The following SLC34A3 variants were observed in gnomAD, a reference collection of about 807,000 sequenced individuals.
SLC34A3 encodes sodium-dependent phosphate transport protein 2C.
SLC34A3 carries 60 observed loss-of-function variants against 43.9 expected under a neutral mutation model. The observed-to-expected ratio is 1.37, with a 90% CI of 1.11 to 1.70. The LOEUF (loss-of-function observed/expected upper bound fraction) is 1.70. Among genes scored for constraint, SLC34A3 ranks in the 40% most tolerant of loss-of-function variants. The probability of loss-of-function intolerance (pLI) is 0.00; values close to 1 mark genes in which losing one functional copy is unlikely to be tolerated. For missense variants in SLC34A3, 969 were observed against 823.8 expected, an observed-to-expected ratio of 1.18 and a Z score of -2.16; for synonymous variants, 451 against 386.2, an observed-to-expected ratio of 1.17 and a Z score of -1.97.
chr9:137,233,670 A>T lies in SLC34A3; in HGVS notation c.794A>T (p.Asn265Ile). The T allele has an allele frequency of 6.2e-7, 1 of 1,612,720 alleles. No homozygotes were observed. The change falls in exon 8 of 13, where the codon AAC becomes ATC. Residue 265 changes from asparagine to isoleucine, a missense_variant. Coordinates refer to ENST00000673835, the MANE Select transcript of SLC34A3 (RefSeq NM_001177316.2). Reference protein sequence around the residue: ...SDMIMSSATGNATNSSLIKHW... With the variant: ...SDMIMSSATGIATNSSLIKHW... ...ATGATCATGAGCAGTGCCACAGGCA[A>T]CGCCACTAACAGCAGTCTCATTAAG...
chr9:137,232,444 T>C, intron 3 of SLC34A3, 131 bp from the exon 4 acceptor site: 1 of 1,331,636 alleles, frequency 7.5e-7, no homozygotes, highest in Middle Eastern at 2.5e-4. Context: ...CCCTGGGGGT[T>C]ACGGAAGAGG....
rs1460453406 is a variant in SLC34A3, at chr9:137,233,536, C to A, written c.757-97C>A. 9 of 1,540,766 alleles carry A rather than the reference C, an allele frequency of 5.8e-6. No homozygotes were observed. The East Asian group carries it at 1.8e-4, about 31-fold the overall frequency. ...CCTGGGACAGGGGAGGAGAGGGCAG[C>A]AGTGGGCAGGGCTGGGCTGGACCCC... On this transcript the variant is annotated intron_variant, in intron 7 of 12. Coordinates refer to ENST00000673835, the MANE Select transcript of SLC34A3 (RefSeq NM_001177316.2).
At chr9:137,232,248 A>G in intron 3 of SLC34A3, 87 bp downstream of exon 3, 2 of 1,307,084 alleles carry the variant, frequency 1.5e-6, no homozygotes, top group Non-Finnish European at 2.2e-6. Flanking sequence ...GGGCCTGCCC[A>G]AACAGGCTGT....
At chr9:137,235,930 C>T in intron 12 of SLC34A3, 22 bp from the exon 13 acceptor site, 1 of 1,609,598 alleles carries the variant, frequency 6.2e-7, no homozygotes, top group South Asian at 1.1e-5. Flanking sequence ...GCCCAGGCCC[C>T]TGACAGCCCC....
chr9:137,233,604 C>G lies in SLC34A3; in HGVS notation c.757-29C>G, dbSNP rs373413514. Reference sequence around the variant, plus strand: ...GGGTGAGTCCTGAGAGAGGGTGCAGCACACCGTCACGACCCCTCTGGCCCC... The same window carrying G: ...GGGTGAGTCCTGAGAGAGGGTGCAGGACACCGTCACGACCCCTCTGGCCCC... On this transcript the variant is annotated intron_variant, in intron 7 of 12. Coordinates refer to ENST00000673835, the MANE Select transcript of SLC34A3 (RefSeq NM_001177316.2). The G allele has an allele frequency of 2.1e-4, 332 of 1,603,250 alleles. 1 individual carries two copies. The highest frequency in any genetic ancestry group is 1.6e-4 in the Non-Finnish European group (186 of 1,171,514).
intron 12 of SLC34A3, among the ~76,000 whole-genome samples, chr9:137,235,600 T>C (rs1265714522): frequency 3.9e-5 from 6 of 152,150 alleles, no homozygotes; most frequent in Non-Finnish European, 8.8e-5. Context: ...GCCTGGACTG[T>C]GCAGGCTCAG....
intron 8 of SLC34A3, 57 bp downstream of exon 8, chr9:137,233,779 T>TTGGGGCCCCCCCCCCCCCCCCCC: frequency 1.4e-6 from 2 of 1,445,732 alleles, no homozygotes; most frequent in Non-Finnish European, 9.6e-7. Context: ...TGCTGAGTCA[T>TTGGGGCCCCCCCCCCCCCCCCCC]CCCGCCCCAC....
intron 12 of SLC34A3, among the ~76,000 whole-genome samples, chr9:137,235,251 CCA>C (rs1387529138): frequency 6.6e-6 from 1 of 152,166 alleles, no homozygotes; most frequent in African/African-American, 2.4e-5. Flanking sequence ...TGCCCCAACC[CCA>C]GTCTCATTTA....
In SLC34A3 at chr9:137,234,378, G is replaced by C; in HGVS notation, c.1094-38G>C. The C allele has an allele frequency of 2.5e-6, 4 of 1,594,738 alleles. No homozygotes were observed. The highest frequency in any genetic ancestry group is 2.5e-6 in the Non-Finnish European group (3 of 1,176,860). ...ACTCGGGGGCTACCTGGCCCTCCTT[G>C]TGGGCGCTGGCCAGGGCTGACCCGG... On this transcript the variant is annotated intron_variant, in intron 10 of 12. Coordinates refer to ENST00000673835, the MANE Select transcript of SLC34A3 (RefSeq NM_001177316.2). The surrounding 1 kb of genome is among the most constrained non-coding windows in gnomAD (Gnocchi z 6.9).
At chr9:137,233,779 T>TTGGGGCCCCCCCCCCCCCCCCCCCCCCCC in intron 8 of SLC34A3, 57 bp downstream of exon 8, 4 of 1,445,754 alleles carry the variant, frequency 2.8e-6, no homozygotes, top group East Asian at 2.3e-5. Context: ...TGCTGAGTCA[T>TTGGGGCCCCCCCCCCCCCCCCCCCCCCCC]CCCGCCCCAC....
intron 2 of SLC34A3, 32 bp from the exon 3 acceptor site, chr9:137,232,040 G>A: frequency 1.9e-6 from 3 of 1,604,466 alleles, no homozygotes; most frequent in East Asian, 2.2e-5. Context: ...AGGTGGTCCT[G>A]GAAACAGCCG....
chr9:137,233,047 C>T lies in SLC34A3; in HGVS notation c.492C>T (p.Asn164=), dbSNP rs200271988. Residue 164 remains asparagine, a synonymous_variant, in exon 6 of 13, where the codon AAC becomes AAT. Transcript: ENST00000673835. ...CTGTGCCCATCATCATGGGTGTCAA[C>T]GTAGGCACATCCATCACCAGCACCC... is the stretch of plus-strand genomic sequence containing the variant. The part of the protein sequence containing the change: ...RVSVPIIMGV[N]VGTSITSTLV... The T allele has an allele frequency of 2.9e-5, 47 of 1,611,988 alleles. No homozygotes were observed. In the East Asian group the frequency reaches 3.3e-4, roughly 11 times the overall value.
At position 137,232,800 on chromosome 9, in the gene SLC34A3, C is replaced by T. The variant is rs114286327; in HGVS notation, c.321C>T (p.Asp107=). 788 of 1,613,110 alleles carry T rather than the reference C, an allele frequency of 4.9e-4. 4 individuals carry two copies. The African/African-American group carries it at 9.8e-3, about 20-fold the overall frequency. Residue 107 remains aspartate, a synonymous_variant, in exon 5 of 13, where the codon GAC becomes GAT. Transcript: ENST00000673835. ...FQLLGSKVAG[D]IFKDNVVLSN... The stretch of plus-strand genomic sequence containing the variant: ...CCGGTGTAGGCAAAGTGGCCGGAGA[C>T]ATCTTCAAGGACAACGTGGTGCTGT...
Position 137,234,276 on chromosome 9 carries a change from G to A in SLC34A3, c.1093G>A (p.Asp365Asn), listed in dbSNP as rs182126379. ...AQVVRTVINA[D>N]FPFPLGWLGG... Reference sequence around the variant, plus strand: ...GGTCGTGAGGACAGTCATCAATGCGGGTGAGGGCGTGGGAGGAGGTGCGGT... The same window carrying A: ...GGTCGTGAGGACAGTCATCAATGCGAGTGAGGGCGTGGGAGGAGGTGCGGT... The change falls in exon 10 of 13, where the codon GAC becomes AAC. Residue 365 changes from aspartate (D) to asparagine (N), a missense_variant and splice_region_variant. Transcript: ENST00000673835. The surrounding 1 kb of genome is among the most constrained non-coding windows in gnomAD (Gnocchi z 6.9). The A allele has an allele frequency of 9.9e-6, 16 of 1,610,568 alleles. No homozygotes were observed. In the East Asian group the frequency reaches 2.0e-4, roughly 20 times the overall value.
At chr9:137,235,713 G>A (rs1409739964) in intron 12 of SLC34A3, among the ~76,000 whole-genome samples, 3 of 152,258 alleles carry the variant, frequency 2.0e-5, no homozygotes, top group African/African-American at 7.2e-5. Context: ...CAGCAGTGAT[G>A]CAGTCAGTGC....
At position 137,232,778 on chromosome 9, in the gene SLC34A3, G is replaced by A; in HGVS notation, c.305-6G>A. The stretch of plus-strand genomic sequence containing the variant: ...CAGCTTCAGCGCACCTCTCTTGCCG[G>A]TGTAGGCAAAGTGGCCGGAGACATC... On this transcript the variant is annotated splice_region_variant and splice_polypyrimidine_tract_variant and intron_variant, in intron 4 of 12. Transcript: ENST00000673835. 1 of 1,613,064 alleles carries A rather than the reference G, an allele frequency of 6.2e-7. No individual in the cohort carries two copies. Among genetic ancestry groups the A allele is most frequent in the Non-Finnish European group, 8.5e-7 (1 of 1,180,006 alleles).
In SLC34A3 at chr9:137,232,903, G is replaced by A. The variant is rs758081853; in HGVS notation, c.424G>A (p.Val142Met). The A allele has an allele frequency of 3.7e-6, 6 of 1,609,210 alleles. No homozygotes were observed. Among genetic ancestry groups the A allele is most frequent in the South Asian group, 2.2e-5 (2 of 90,474 alleles). Reference sequence around the variant, plus strand: ...GAGTTCCAGCACGTCCTCCTCCATCGTGGTCAGCATGGTGGCTGCTAAGCG... The same window carrying A: ...GAGTTCCAGCACGTCCTCCTCCATCATGGTCAGCATGGTGGCTGCTAAGCG... ...VQSSSTSSSIVVSMVAAKLLT... is the reference protein window; with the variant it reads ...VQSSSTSSSIMVSMVAAKLLT... The change falls in exon 5 of 13, where the codon GTG becomes ATG. Residue 142 changes from valine (V) to methionine (M), a missense_variant. Coordinates refer to ENST00000673835, the MANE Select transcript of SLC34A3 (RefSeq NM_001177316.2).
At position 137,236,521 on chromosome 9, in the gene SLC34A3, C is replaced by T. The variant is rs1481280713; in HGVS notation, c.*105C>T. 7.4e-6 allele frequency: 7 copies of T among 948,212 alleles called. No homozygotes were observed. Among genetic ancestry groups the T allele is most frequent in the Non-Finnish European group, 1.1e-5 (7 of 613,560 alleles). The allele number at this position is 948,212 out of a possible 1,614,324, so 58.7% of individuals were successfully genotyped here. The stretch of plus-strand genomic sequence containing the variant: ...CAGCTGACCTCCGGTCACCTGCTTC[C>T]CCTTCTGTGCAAATAAACCAGGCTG... On this transcript the variant is annotated 3_prime_UTR_variant, in exon 13 of 13. Coordinates refer to ENST00000673835, the MANE Select transcript of SLC34A3 (RefSeq NM_001177316.2).
chr9:137,231,844 C>T, intron 2 of SLC34A3, 57 bp downstream of exon 2: 6 of 1,446,052 alleles, frequency 4.1e-6, no homozygotes, highest in Non-Finnish European at 5.8e-6. Context: ...ACCCCCCAGG[C>T]ACTGGGCAGA....
Sources: gnomAD v4.1 joint callset for allele counts (sites outside exome capture counted in the v4.1 genomes callset) on GRCh38, gnomAD v4.1.1 for gene constraint, Gnocchi (gnomAD v3.1) non-coding constraint, MANE v1.5 for transcripts, NCBI Gene and HGNC (gene_info 2026-07-23, HGNC 2026-07-21) for gene names.